Variants in VWDE observed in about 807,000 individuals in gnomAD.
VWDE encodes the protein von Willebrand factor D and EGF domains.
VWDE carries 207 observed loss-of-function variants against 178.4 expected under a neutral mutation model. The ratio of observed to expected loss-of-function variants is 1.16; its 90% CI spans 1.04 to 1.30. VWDE has a LOEUF of 1.30. Among genes scored for constraint, VWDE ranks in the 50% most tolerant of loss-of-function variants. The pLI is 0.00. For missense variants in VWDE, 2,287 were observed against 1,901.3 expected, an observed-to-expected ratio of 1.20 and a Z score of -3.77; for synonymous variants, 738 against 651.4, an observed-to-expected ratio of 1.13 and a Z score of -2.02.
At chr7:12,354,426 T>C in intron 18 of VWDE, 1 of 442,852 alleles carries the variant, frequency 2.3e-6, no homozygotes, top group Non-Finnish European at 4.5e-6. Context: ...TATTCAGGCA[T>C]GCTACTCCCT....
rs368179346 is a variant in VWDE, at chr7:12,358,387, T to TG, written c.3275-873dup. ...AGATTCTGTCTCAAAAAATAAAAGG[T>TG]GGGGGGGGCTATTTTAGAGGACAGG... On this transcript the variant is annotated intron_variant, in intron 16 of 28. Transcript: ENST00000275358. Among the ~76,000 whole-genome samples the TG allele has an allele frequency of 3.1e-3, 413 of 135,080 alleles. 2 individuals are homozygous for TG. Among genetic ancestry groups the TG allele is most frequent in the South Asian group, 0.018 (73 of 4,154 alleles). 88.6% of individuals were successfully genotyped at this position (135,080 alleles called of 152,430 possible).
At chr7:12,341,743 T>A (rs867070087) in intron 23 of VWDE, among the ~76,000 whole-genome samples, 6 of 152,302 alleles carry the variant, frequency 3.9e-5, no homozygotes, top group Middle Eastern at 6.8e-3. Context: ...TGTATTGCGA[T>A]GAAAAACTTA....
At chr7:12,375,400 T>G (rs533254508) in intron 7 of VWDE, among the ~76,000 whole-genome samples, 173 bp from the exon 8 acceptor site, 131 of 152,216 alleles carry the variant, frequency 8.6e-4, no homozygotes, top group African/African-American at 3.0e-3. Flanking sequence ...CTATTGAATC[T>G]ACCTGATTTT....
chr7:12,358,670 T>C (rs973573272), intron 16 of VWDE, among the ~76,000 whole-genome samples: 1 of 152,166 alleles, frequency 6.6e-6, no homozygotes, highest in Non-Finnish European at 1.5e-5. Flanking sequence ...ATCCTCAATA[T>C]GAGAGATTTA....
chr7:12,333,259 T>C (rs1417912839), intron 28 of VWDE, among the ~76,000 whole-genome samples: 3 of 152,172 alleles, frequency 2.0e-5, no homozygotes, highest in African/African-American at 7.2e-5. Flanking sequence ...TATCTATACA[T>C]TGAAATTCCT....
At chr7:12,392,573 T>C (rs181534790) in intron 2 of VWDE, among the ~76,000 whole-genome samples, 6 of 152,254 alleles carry the variant, frequency 3.9e-5, no homozygotes, top group East Asian at 1.9e-4. Flanking sequence ...GAATTGTCAA[T>C]AGAAATTCAG....
At chr7:12,360,931 T>C (rs554845123) in intron 15 of VWDE, among the ~76,000 whole-genome samples, 7 of 152,274 alleles carry the variant, frequency 4.6e-5, no homozygotes, top group Admixed American at 1.3e-4. Context: ...CTTACAATTT[T>C]TTAGAAGTAA....
chr7:12,390,834 T>C (rs1388676535), intron 2 of VWDE, among the ~76,000 whole-genome samples: 1 of 152,048 alleles, frequency 6.6e-6, no homozygotes, highest in Non-Finnish European at 1.5e-5. Context: ...TGAACAACTA[T>C]ATGTATCAAA....
In VWDE at chr7:12,379,505, T is replaced by C; in HGVS notation, c.851A>G (p.Glu284Gly). ...AAAGCCTGCAAAAAATTCTTGGCTT[T>C]CGATGGCTACACTTTGTACATGAGG... is the stretch of plus-strand genomic sequence containing the variant. Reference protein sequence around the residue: ...ENPHVQSVAIESQEFFAGFKL... With the variant: ...ENPHVQSVAIGSQEFFAGFKL... The change falls in exon 6 of 29, where the codon GAA becomes GGA. Residue 284 changes from glutamate to glycine, a missense_variant. By Grantham distance (98) the Glu-to-Gly change is moderately conservative (BLOSUM62 -2). Transcript: ENST00000275358. 6.5e-7 allele frequency: 1 copy of C among 1,550,286 alleles called. No homozygotes were observed.
intron 23 of VWDE, 108 bp from the exon 24 acceptor site, chr7:12,340,525 CA>C: frequency 5.6e-6 from 4 of 712,688 alleles, no homozygotes; most frequent in Non-Finnish European, 9.2e-6. Flanking sequence ...ATTTTTACTG[CA>C]AGTAAAGCCC....
chr7:12,352,006 G>A (rs185347399), intron 18 of VWDE, among the ~76,000 whole-genome samples: 2 of 152,154 alleles, frequency 1.3e-5, no homozygotes, highest in Non-Finnish European at 2.9e-5. Flanking sequence ...TAATCCAATA[G>A]GACTGGTGTG....
chr7:12,388,976 T>C (rs1156535895), intron 3 of VWDE, 151 bp downstream of exon 3: 2 of 751,088 alleles, frequency 2.7e-6, no homozygotes, highest in East Asian at 5.4e-5. Flanking sequence ...ATTTGACCAA[T>C]GTAAACAGAA....
chr7:12,361,934 C>T (rs1265562011), intron 13 of VWDE, among the ~76,000 whole-genome samples: 1 of 152,002 alleles, frequency 6.6e-6, no homozygotes, highest in African/African-American at 2.4e-5. Flanking sequence ...CCTTTCTGCC[C>T]CCTACACAAT....
intron 18 of VWDE, chr7:12,354,314 A>T (rs1782103519): frequency 2.6e-6 from 1 of 381,434 alleles, no homozygotes; most frequent in Admixed American, 3.7e-5. Context: ...TAACTGCAGC[A>T]AAAAAAATCT....
chr7:12,385,350 C>T (rs17165968), intron 3 of VWDE, among the ~76,000 whole-genome samples: 3,094 of 152,272 alleles, frequency 0.02, 107 homozygotes, highest in African/African-American at 0.068. Context: ...TGACATTTCA[C>T]AGACTGCCTT....
intron 27 of VWDE, among the ~76,000 whole-genome samples, chr7:12,334,811 C>G (rs545404840): frequency 6.6e-6 from 1 of 152,292 alleles, no homozygotes; most frequent in African/African-American, 2.4e-5. Flanking sequence ...ATCCTTCTCT[C>G]TTATGGTCCG....
chr7:12,352,157 A>T (rs146563664), intron 18 of VWDE, among the ~76,000 whole-genome samples: 1 of 152,306 alleles, frequency 6.6e-6, no homozygotes, highest in East Asian at 1.9e-4. Flanking sequence ...GAACTGTGAG[A>T]AAATAAATTT....
At chr7:12,344,967 ATCTGT>A (rs1781523963) in intron 19 of VWDE, among the ~76,000 whole-genome samples, 1 of 152,032 alleles carries the variant, frequency 6.6e-6, no homozygotes, top group Non-Finnish European at 1.5e-5. Flanking sequence ...GACATCTTTT[ATCTGT>A]TTAGCTGATT....
In VWDE at chr7:12,370,666, T is replaced by C. The variant is rs894208852; in HGVS notation, c.1786A>G (p.Asn596Asp). ...AAAATAGTGTCTTACCTCCATTCAT[T>C]AATAAAAGCAACATAATTGTTAAAA... ...QNFNNYVAFINEWRILPGKSM... is the reference protein window; with the variant it reads ...QNFNNYVAFIDEWRILPGKSM... The change falls in exon 11 of 29, where the codon AAT (asparagine) becomes GAT (aspartate). Residue 596 changes from asparagine (N) to aspartate (D), a missense_variant. Physicochemically the swap from Asn to Asp is conservative, Grantham distance 23. Coordinates refer to ENST00000275358, the MANE Select transcript of VWDE (RefSeq NM_001135924.3). 1 of 1,550,754 alleles carries C rather than the reference T, an allele frequency of 6.4e-7. No individual in the cohort carries two copies. Among genetic ancestry groups the C allele is most frequent in the African/African-American group, 1.4e-5 (1 of 72,978 alleles).
Sources: allele counts gnomAD v4.1 joint callset (sites outside exome capture counted in the v4.1 genomes callset), GRCh38; gene constraint gnomAD v4.1.1; transcripts MANE v1.5; gene names NCBI Gene and HGNC (gene_info 2026-07-23, HGNC 2026-07-21).